The following MAGI1 variants were observed in gnomAD, a reference collection of about 807,000 sequenced individuals.
MAGI1 encodes membrane-associated guanylate kinase, WW and PDZ domain-containing protein 1.
A neutral mutation model predicts 139.9 loss-of-function variants in MAGI1; 58 were observed. The observed-to-expected ratio is 0.41, with a 90% confidence interval of 0.34 to 0.52. MAGI1 has a LOEUF of 0.52. Among genes scored for constraint, MAGI1 ranks in the 20% least tolerant of loss-of-function variants. The probability of loss-of-function intolerance (pLI) is 0.12; values close to 1 mark genes in which losing one functional copy is unlikely to be tolerated. For synonymous variants in MAGI1, 812 were observed against 737.9 expected (o/e 1.10, Z -1.63); for missense variants, 1,874 against 1,901.6 (o/e 0.99, Z 0.27).
At chr3:65,656,601 G>T (rs898539968) in intron 1 of MAGI1, among the ~76,000 whole-genome samples, 1 of 152,098 alleles carries the variant, frequency 6.6e-6, no homozygotes, top group Non-Finnish European at 1.5e-5. Flanking sequence ...TACTCCGAGT[G>T]GGGGTGGGAG....
intron 2 of MAGI1, among the ~76,000 whole-genome samples, chr3:65,542,758 G>T (rs1399254653): frequency 6.6e-6 from 1 of 152,126 alleles, no homozygotes; most frequent in African/African-American, 2.4e-5. Context: ...AACTCGAGAT[G>T]GAGTAAAGAC....
chr3:65,656,774 G>C (rs1566397), intron 1 of MAGI1, among the ~76,000 whole-genome samples: 2 of 151,800 alleles, frequency 1.3e-5, no homozygotes, highest in South Asian at 2.1e-4. Context: ...CAAGTGGGCA[G>C]ATCATTTGAG....
intron 1 of MAGI1, among the ~76,000 whole-genome samples, chr3:65,952,644 C>T (rs1036958973): frequency 1.1e-4 from 16 of 152,166 alleles, no homozygotes; most frequent in Non-Finnish European, 4.4e-5. Flanking sequence ...AAAACCCCAT[C>T]TCTACTAAAG....
intron 1 of MAGI1, among the ~76,000 whole-genome samples, chr3:65,776,654 C>T (rs920801046): frequency 1.5e-4 from 23 of 152,052 alleles, no homozygotes; most frequent in Admixed American, 3.9e-4. Context: ...TCAGGCATCC[C>T]AATGAAAAAG....
At chr3:65,772,317 T>C (rs978863422) in intron 1 of MAGI1, among the ~76,000 whole-genome samples, 1 of 152,236 alleles carries the variant, frequency 6.6e-6, no homozygotes, top group Non-Finnish European at 1.5e-5. Context: ...TGTCTCCCTG[T>C]TAACATTGTC....
chr3:65,356,803 A>T lies in MAGI1; in HGVS notation c.3964T>A (p.Ser1322Thr). Residue 1322 changes from serine (S) to threonine (T), a missense_variant, in exon 23 of 23, where the codon TCC becomes ACC. By Grantham distance (58) the Ser-to-Thr change is moderately conservative (BLOSUM62 1). Transcript: ENST00000402939. ...GTGCCCTCCCTCCGCTTCTCTGGGG[A>T]CCGCCTCTTGGGGCCGTTGGCGGCT... The part of the protein sequence containing the change: ...AAAANGPKRR[S>T]PEKRREGTRS... 1 of 1,610,632 alleles carries T rather than the reference A, an allele frequency of 6.2e-7. No homozygotes were observed. Among genetic ancestry groups the T allele is most frequent in the Non-Finnish European group, 8.5e-7 (1 of 1,178,174 alleles).
intron 3 of MAGI1, among the ~76,000 whole-genome samples, chr3:65,489,501 AG>A (rs35851595): frequency 6.6e-6 from 1 of 152,144 alleles, no homozygotes; most frequent in African/African-American, 2.4e-5. Flanking sequence ...CAAAAACAGA[AG>A]GGGGAGGTGA....
intron 1 of MAGI1, among the ~76,000 whole-genome samples, chr3:65,666,272 G>C (rs1026477429): frequency 1.3e-5 from 2 of 152,138 alleles, no homozygotes; most frequent in African/African-American, 4.8e-5. Context: ...ACTGTACAAA[G>C]AGCATTAAAA....
intron 3 of MAGI1, among the ~76,000 whole-genome samples, chr3:65,485,153 G>A (rs556557414): frequency 6.6e-6 from 1 of 152,168 alleles, no homozygotes; most frequent in East Asian, 1.9e-4. Context: ...TTTCCAGTCG[G>A]TCAATTACAT....
chr3:65,550,069 T>C (rs2079746717), intron 2 of MAGI1, among the ~76,000 whole-genome samples: 2 of 152,108 alleles, frequency 1.3e-5, no homozygotes, highest in Admixed American at 1.3e-4. Flanking sequence ...ACATCTTCCC[T>C]CTTCTCAGTG....
At chr3:65,960,899 A>G (rs2064389782) in intron 1 of MAGI1, among the ~76,000 whole-genome samples, 1 of 152,222 alleles carries the variant, frequency 6.6e-6, no homozygotes, top group Admixed American at 6.5e-5. Flanking sequence ...TTCCTTGTCT[A>G]TTAAGAAGAC....
At chr3:66,004,996 T>C (rs928221879) in intron 1 of MAGI1, among the ~76,000 whole-genome samples, 4 of 152,202 alleles carry the variant, frequency 2.6e-5, no homozygotes, top group African/African-American at 4.8e-5. Context: ...CTGTATCCCA[T>C]TGACATCTGA....
chr3:65,436,504 C>G (rs781180836), intron 10 of MAGI1, among the ~76,000 whole-genome samples: 1 of 152,046 alleles, frequency 6.6e-6, no homozygotes, highest in Admixed American at 6.6e-5. Context: ...CCTATTGAAA[C>G]GTTGTAAACA....
At chr3:65,737,407 A>G (rs1370187553) in intron 1 of MAGI1, among the ~76,000 whole-genome samples, 1 of 152,264 alleles carries the variant, frequency 6.6e-6, no homozygotes, top group African/African-American at 2.4e-5. Flanking sequence ...TTTAATGAAT[A>G]AAAGCAACTT....
intron 1 of MAGI1, among the ~76,000 whole-genome samples, chr3:66,037,546 G>T (rs903517301): frequency 6.6e-6 from 1 of 152,098 alleles, no homozygotes; most frequent in Non-Finnish European, 1.5e-5. Context: ...TTCTGATGGG[G>T]GAGGTCCAAT....
intron 1 of MAGI1, among the ~76,000 whole-genome samples, chr3:65,877,398 G>C (rs2060158017): frequency 6.6e-6 from 1 of 152,102 alleles, no homozygotes; most frequent in South Asian, 2.1e-4. Context: ...ATAAATGTTG[G>C]CAGCCTCCCT....
rs770616363 is a variant in MAGI1 at position 65,920,797 on chromosome 3, G to A, written c.313+117199C>T. ...TGTAATCCCAGCACTTTGGGAGGCCGAGGTGGGTGGATCACGAGGTCAGGG... is the reference window on the plus strand; with the variant it reads ...TGTAATCCCAGCACTTTGGGAGGCCAAGGTGGGTGGATCACGAGGTCAGGG... On this transcript the variant is annotated intron_variant, in intron 1 of 22. Coordinates refer to ENST00000402939, the MANE Select transcript of MAGI1 (RefSeq NM_001033057.2). Among the ~76,000 whole-genome samples the A allele has an allele frequency of 3.9e-5, 6 of 152,268 alleles. No homozygotes were observed. In the East Asian group the frequency reaches 5.8e-4, roughly 15 times the overall value.
Position 66,038,088 on chromosome 3 carries a change from T to G in MAGI1, c.221A>C (p.Gln74Pro). 1.2e-6 allele frequency: 2 copies of G among 1,613,032 alleles called. No homozygotes were observed. Among genetic ancestry groups the G allele is most frequent in the Non-Finnish European group, 1.7e-6 (2 of 1,179,756 alleles). ...GGGCAAGCCGGACACCCGGACCCCCTGCACCTCCAGAAGCAGCTCCCCTTC... is the reference window on the plus strand; with the variant it reads ...GGGCAAGCCGGACACCCGGACCCCCGGCACCTCCAGAAGCAGCTCCCCTTC... ...LGEGELLLEV[Q>P]GVRVSGLPRY... The change falls in exon 1 of 23, where the codon CAG (glutamine) becomes CCG (proline). Residue 74 changes from glutamine (Q) to proline (P), a missense_variant. This residue lies in a region of MAGI1 where 648 missense variants were observed against 598.1 expected (regional missense o/e 1.08). Transcript: ENST00000402939.
At chr3:65,450,976 C>G (rs139347776) in intron 6 of MAGI1, among the ~76,000 whole-genome samples, 1 of 152,108 alleles carries the variant, frequency 6.6e-6, no homozygotes, top group African/African-American at 2.4e-5. Flanking sequence ...TATATTTATA[C>G]TGTTTGTGTG....
Sources: allele counts gnomAD v4.1 joint callset (sites outside exome capture counted in the v4.1 genomes callset), GRCh38; gene constraint gnomAD v4.1.1; regional missense constraint gnomAD v4.1.1; transcripts MANE v1.5; gene names NCBI Gene and HGNC (gene_info 2026-07-23, HGNC 2026-07-21).